The following MBTPS1 variants were observed in gnomAD, a reference collection of about 807,000 sequenced individuals.
The protein encoded by MBTPS1 is membrane bound transcription factor peptidase, site 1, also known as membrane-bound transcription factor site-1 protease.
A neutral mutation model predicts 127.8 loss-of-function variants in MBTPS1; 94 were observed. The ratio of observed to expected loss-of-function variants is 0.74; its 90% CI spans 0.62 to 0.87. MBTPS1 has a LOEUF of 0.87. Ranked by LOEUF, MBTPS1 falls within the 40% of genes least tolerant of loss-of-function variation. MBTPS1 has a pLI of 0.00. For missense variants in MBTPS1, 1,636 were observed against 1,353.2 expected (o/e 1.21, Z -3.28); for synonymous variants, 632 against 509.4 (o/e 1.24, Z -3.24).
chr16:84,110,035 C>T (rs1597356589), intron 1 of MBTPS1, among the ~76,000 whole-genome samples: 1 of 152,152 alleles, frequency 6.6e-6, no homozygotes, highest in Non-Finnish European at 1.5e-5. Flanking sequence ...CCAAAACAGG[C>T]AGAAAAAATA....
chr16:84,091,085 A>C, intron 7 of MBTPS1, 143 bp from the exon 8 acceptor site: 1 of 686,404 alleles, frequency 1.5e-6, no homozygotes, highest in Admixed American at 2.6e-5. Context: ...ATGTGCTGGC[A>C]ACTTGCATTT....
At chr16:84,065,632 G>T in intron 18 of MBTPS1, 58 bp downstream of exon 18, 1 of 1,084,712 alleles carries the variant, frequency 9.2e-7, no homozygotes, top group Non-Finnish European at 1.4e-6. Context: ...AGAGAGAAGC[G>T]GGGGAAAAGG....
Position 84,085,061 on chromosome 16 carries a change from A to G in MBTPS1, c.1208T>C (p.Val403Ala). 1 of 1,614,108 alleles carries G rather than the reference A, an allele frequency of 6.2e-7. No individual in the cohort carries two copies. The highest frequency in any genetic ancestry group is 8.5e-7 in the Non-Finnish European group (1 of 1,180,024). The change falls in exon 10 of 23, where the codon GTG becomes GCG. Residue 403 changes from valine (V) to alanine (A), a missense_variant. Coordinates refer to ENST00000343411, the MANE Select transcript of MBTPS1 (RefSeq NM_003791.4). ...TYGAGVRGSGVKGGCRALSGT... is the reference protein window; with the variant it reads ...TYGAGVRGSGAKGGCRALSGT... ...TGAGAGGGCCCGGCACCCCCCTTTC[A>G]CGCCAGAACCCCGCACGCCAGCACC...
At position 84,112,723 on chromosome 16, in the gene MBTPS1, C is replaced by T. The variant is rs367924124; in HGVS notation, c.-325+4012G>A. Among the ~76,000 whole-genome samples the T allele has an allele frequency of 8.9e-4, 135 of 150,854 alleles. 2 individuals carry two copies. In the South Asian group the frequency reaches 0.026, roughly 29 times the overall value. The stretch of plus-strand genomic sequence containing the variant: ...GGCTCGGTGGCTCACAGCTATAACC[C>T]CAGCACTGTGGGAGGCCGAGACGGG... On this transcript the variant is annotated intron_variant, in intron 1 of 22. Coordinates refer to ENST00000343411, the MANE Select transcript of MBTPS1 (RefSeq NM_003791.4).
At position 84,096,360 on chromosome 16, in the gene MBTPS1, G is replaced by C. The variant is rs189239423; in HGVS notation, c.422-555C>G. ...AAGGACTACACAGGAGTGAGAGACA[G>C]GGAATTTCTGAGGGTGATGGAATTA... On this transcript the variant is annotated intron_variant, in intron 3 of 22. Transcript: ENST00000343411. Among the ~76,000 whole-genome samples the C allele has an allele frequency of 5.5e-3, 835 of 152,246 alleles. 3 individuals carry two copies. Among genetic ancestry groups the C allele is most frequent in the South Asian group, 0.019 (91 of 4,830 alleles).
chr16:84,082,557 C>T (rs960714017), intron 10 of MBTPS1, among the ~76,000 whole-genome samples: 10 of 152,046 alleles, frequency 6.6e-5, no homozygotes, highest in African/African-American at 1.9e-4. Flanking sequence ...GTGATACTAG[C>T]GTTACAACAT....
chr16:84,081,878 G>A lies in MBTPS1; in HGVS notation c.1317C>T (p.Pro439=), dbSNP rs3743631. The part of the protein sequence containing the change: ...STVQKRELVN[P]ASMKQALIAS... Reference sequence around the variant, plus strand: ...CGATCAGGGCCTGCTTCATACTGGCGGGATTCACCAGCTCACGCTTCTGGA... The same window carrying A: ...CGATCAGGGCCTGCTTCATACTGGCAGGATTCACCAGCTCACGCTTCTGGA... Residue 439 remains proline (P), a synonymous_variant, in exon 11 of 23, where the codon CCC becomes CCT. Transcript: ENST00000343411. 639,253 of 1,470,436 alleles carry A rather than the reference G, an allele frequency of 0.43. 141,936 individuals carry two copies. Among genetic ancestry groups the A allele is most frequent in the East Asian group, 0.69 (26,578 of 38,576 alleles). The allele number at this position is 1,470,436 out of a possible 1,614,324, so 91.1% of individuals were successfully genotyped here.
chr16:84,057,018 T>C (rs779173351), intron 21 of MBTPS1: 2 of 152,254 alleles, frequency 1.3e-5, no homozygotes. Flanking sequence ...ATTTGGAAAC[T>C]GTCAGCCTGT....
rs536959873 is a variant in MBTPS1 at position 84,084,544 on chromosome 16, A to G, written c.1286+439T>C. Among the ~76,000 whole-genome samples, 74 of 152,314 alleles carry G rather than the reference A, an allele frequency of 4.9e-4. 2 individuals are homozygous for G. Among genetic ancestry groups the G allele is most frequent in the African/African-American group, 1.6e-3 (68 of 41,534 alleles). Reference sequence around the variant, plus strand: ...TAACATCATGTTGTATATCTTACATATACGCAGTAGGATTTGTTTTTTGTT... The same window carrying G: ...TAACATCATGTTGTATATCTTACATGTACGCAGTAGGATTTGTTTTTTGTT... On this transcript the variant is annotated intron_variant, in intron 10 of 22. Transcript: ENST00000343411.
At chr16:84,076,068 T>C (rs959292033) in intron 11 of MBTPS1, among the ~76,000 whole-genome samples, 1 of 152,214 alleles carries the variant, frequency 6.6e-6, no homozygotes, top group Non-Finnish European at 1.5e-5. Context: ...TTCAACATCA[T>C]ATTAAGAAAA....
Position 84,070,792 on chromosome 16 carries a change from A to G in MBTPS1, c.1594-16T>C. On this transcript the variant is annotated splice_polypyrimidine_tract_variant and intron_variant, in intron 12 of 22. Transcript: ENST00000343411. ...GCCAGTCAGGCTGCAGGAAAAAGAA[A>G]TCAGACAAAGGCTAAAGTGAAAAGC... 6.3e-7 allele frequency: 1 copy of G among 1,593,892 alleles called. No individual in the cohort carries two copies. The highest frequency in any genetic ancestry group is 8.5e-7 in the Non-Finnish European group (1 of 1,169,836).
chr16:84,099,405 A>G, intron 2 of MBTPS1, 95 bp from the exon 3 acceptor site: 1 of 1,277,664 alleles, frequency 7.8e-7, no homozygotes, highest in South Asian at 1.5e-5. Flanking sequence ...CAAAAGAAAA[A>G]TTATCTTAAA....
At chr16:84,070,860 C>G in intron 12 of MBTPS1, 84 bp from the exon 13 acceptor site, 1 of 1,097,136 alleles carries the variant, frequency 9.1e-7, no homozygotes, top group Admixed American at 2.5e-5. Flanking sequence ...TCAATTCTTA[C>G]CAAAACTGGT....
At chr16:84,080,064 T>C (rs1314816805) in intron 11 of MBTPS1, among the ~76,000 whole-genome samples, 1 of 152,094 alleles carries the variant, frequency 6.6e-6, no homozygotes, top group Non-Finnish European at 1.5e-5. Context: ...CAGAAAGTGC[T>C]CAGAAAAGGC....
intron 4 of MBTPS1, among the ~76,000 whole-genome samples, chr16:84,095,088 C>T (rs548575322): frequency 1.4e-4 from 22 of 152,218 alleles, no homozygotes; most frequent in Non-Finnish European, 2.9e-4. Context: ...AACACTGCTT[C>T]CTGTTCTGAA....
intron 21 of MBTPS1, chr16:84,056,439 C>A (rs1376116545): frequency 4.2e-6 from 1 of 240,796 alleles, no homozygotes; most frequent in African/African-American, 2.2e-5. Context: ...GGAGGACACT[C>A]CAAGCGAGGC....
In MBTPS1 at chr16:84,098,034, G is replaced by GA. The variant is rs201557522; in HGVS notation, c.421+1018dup. On this transcript the variant is annotated intron_variant, in intron 3 of 22. Transcript: ENST00000343411. The stretch of plus-strand genomic sequence containing the variant: ...GTTAACCTGATTTAAGATAAACAGG[G>GA]AAAAAAAACCCTTTTCCTTTGGTAA... 7.5e-3 allele frequency among the ~76,000 whole-genome samples: 1,128 copies of GA among 151,274 alleles called. 10 individuals are homozygous for GA. Among genetic ancestry groups the GA allele is most frequent in the African/African-American group, 0.026 (1,061 of 41,248 alleles).
At chr16:84,090,847 C>G (rs764056257) in intron 8 of MBTPS1, 28 bp downstream of exon 8, 25 of 1,564,194 alleles carry the variant, frequency 1.6e-5, no homozygotes, top group Non-Finnish European at 2.1e-5. Flanking sequence ...AAAAAATCCC[C>G]GAGGTCATCC....
At chr16:84,094,336 A>G (rs1359830283) in intron 4 of MBTPS1, among the ~76,000 whole-genome samples, 1 of 152,214 alleles carries the variant, frequency 6.6e-6, no homozygotes, top group Non-Finnish European at 1.5e-5. Context: ...GCTCATTTAT[A>G]ATACAGCAAA....
Sources: allele counts gnomAD v4.1 joint callset (sites outside exome capture counted in the v4.1 genomes callset), GRCh38; gene constraint gnomAD v4.1.1; transcripts MANE v1.5; gene names NCBI Gene and HGNC (gene_info 2026-07-23, HGNC 2026-07-21).